The following ALK variants were observed in gnomAD, a reference collection of about 807,000 sequenced individuals.
The protein encoded by ALK is ALK receptor tyrosine kinase, also known as ALK tyrosine kinase receptor.
Under a neutral mutation model 163.1 loss-of-function variants are expected in ALK, and 74 were observed. The ratio of observed to expected loss-of-function variants is 0.45; its 90% CI spans 0.38 to 0.55. ALK has a LOEUF of 0.55. Ranked by LOEUF, ALK falls within the 20% of genes least tolerant of loss-of-function variation. The pLI is 0.00. For missense variants in ALK, 2,063 were observed against 2,105.3 expected (o/e 0.98, Z 0.39); for synonymous variants, 960 against 843.2 (o/e 1.14, Z -2.40).
At chr2:29,477,840 A>G (rs995484016) in intron 4 of ALK, among the ~76,000 whole-genome samples, 1 of 152,226 alleles carries the variant, frequency 6.6e-6, no homozygotes, top group Non-Finnish European at 1.5e-5. Flanking sequence ...CAATCAGGAA[A>G]TCAGAGCTGA....
At chr2:29,393,236 C>A (rs1414809450) in intron 4 of ALK, among the ~76,000 whole-genome samples, 4 of 152,174 alleles carry the variant, frequency 2.6e-5, no homozygotes, top group African/African-American at 4.8e-5. Flanking sequence ...ATTGAAGGAC[C>A]TTGGAAGGGC....
intron 1 of ALK, among the ~76,000 whole-genome samples, chr2:29,842,219 A>T (rs1430180841): frequency 2.0e-5 from 3 of 152,152 alleles, no homozygotes; most frequent in African/African-American, 7.2e-5. Context: ...AAAAAGAAAA[A>T]ATATATATTA....
chr2:29,885,050 C>T (rs918090878), intron 1 of ALK, among the ~76,000 whole-genome samples: 4 of 152,144 alleles, frequency 2.6e-5, no homozygotes, highest in South Asian at 2.1e-4. Context: ...AAGAGAAAAG[C>T]GACAGGTTTG....
In ALK at chr2:29,920,625, A is replaced by T; in HGVS notation, c.35T>A (p.Leu12Gln). Residue 12 changes from leucine (L) to glutamine (Q), a missense_variant, in exon 1 of 29, where the codon CTG (leucine) becomes CAG (glutamine). By Grantham distance (113) the Leu-to-Gln change is moderately radical. Around this residue, in one of 5 missense-constraint regions of ALK, gnomAD observed 987 missense variants for 939.5 expected, o/e 1.05. Transcript: ENST00000389048. ...GCCCACAGCTGCCGTGGAAAGCAGCAGCGGCAGGAGCCACAGGAGCCCGAT... is the reference window on the plus strand; with the variant it reads ...GCCCACAGCTGCCGTGGAAAGCAGCTGCGGCAGGAGCCACAGGAGCCCGAT... ...GAIGLLWLLP[L>Q]LLSTAAVGSG... 6.5e-7 allele frequency: 1 copy of T among 1,544,504 alleles called. No individual in the cohort carries two copies. The highest frequency in any genetic ancestry group is 8.7e-7 in the Non-Finnish European group (1 of 1,152,440).
intron 3 of ALK, among the ~76,000 whole-genome samples, chr2:29,656,307 C>T (rs888758813): frequency 2.6e-5 from 4 of 152,110 alleles, no homozygotes; most frequent in Non-Finnish European, 5.9e-5. Context: ...TATGTAAGAT[C>T]CGTCCTAACT....
chr2:29,719,536 A>G (rs2148308991), intron 1 of ALK, among the ~76,000 whole-genome samples: 1 of 152,334 alleles, frequency 6.6e-6, no homozygotes, highest in Admixed American at 6.5e-5. Context: ...ATTAGTATGT[A>G]TCGAGCACAT....
At chr2:29,267,116 C>T (rs918799309) in intron 11 of ALK, among the ~76,000 whole-genome samples, 6 of 152,000 alleles carry the variant, frequency 3.9e-5, no homozygotes, top group Non-Finnish European at 7.4e-5. Context: ...CCCACCCCCT[C>T]GTCCCCACAC....
At chr2:29,370,449 A>C (rs540784885) in intron 5 of ALK, among the ~76,000 whole-genome samples, 1 of 152,200 alleles carries the variant, frequency 6.6e-6, no homozygotes, top group East Asian at 1.9e-4. Context: ...CTGACCTTAC[A>C]CTTGGGCTGC....
At chr2:29,234,525 G>A (rs537588687) in intron 13 of ALK, among the ~76,000 whole-genome samples, 6 of 151,832 alleles carry the variant, frequency 4.0e-5, no homozygotes, top group East Asian at 1.9e-4. Context: ...TTTTCCCTCC[G>A]GAATCCCTGG....
chr2:29,549,161 C>T (rs1402137759), intron 3 of ALK, among the ~76,000 whole-genome samples: 3 of 147,956 alleles, frequency 2.0e-5, no homozygotes, highest in South Asian at 2.1e-4. Flanking sequence ...CACACACACA[C>T]GCACACACAC....
intron 1 of ALK, among the ~76,000 whole-genome samples, chr2:29,872,203 C>G (rs1176654002): frequency 6.6e-6 from 1 of 152,160 alleles, no homozygotes; most frequent in Admixed American, 6.5e-5. Context: ...ATTCTTAATT[C>G]AGAAGAATTG....
chr2:29,754,970 A>C (rs962617277), intron 1 of ALK, among the ~76,000 whole-genome samples: 3 of 152,134 alleles, frequency 2.0e-5, no homozygotes, highest in Admixed American at 2.0e-4. Flanking sequence ...GCAGATGGGA[A>C]GCCTCTTCTG....
chr2:29,223,297 C>G (rs760299946), intron 20 of ALK, 45 bp downstream of exon 20: 1 of 1,607,688 alleles, frequency 6.2e-7, no homozygotes, highest in Non-Finnish European at 8.5e-7. Context: ...CATTCAGCCC[C>G]TACACTGCAC....
chr2:29,740,817 C>T (rs1220138816), intron 1 of ALK, among the ~76,000 whole-genome samples: 1 of 152,062 alleles, frequency 6.6e-6, no homozygotes, highest in Non-Finnish European at 1.5e-5. Context: ...GCCTGGCCAA[C>T]ATAGTGAAAC....
chr2:29,491,939 C>A (rs1671913157), intron 4 of ALK, among the ~76,000 whole-genome samples: 1 of 152,166 alleles, frequency 6.6e-6, no homozygotes, highest in Admixed American at 6.5e-5. Context: ...AATTTAATTA[C>A]CTTAAAGTGA....
intron 1 of ALK, among the ~76,000 whole-genome samples, chr2:29,726,460 C>A (rs549069905): frequency 6.6e-6 from 1 of 152,270 alleles, no homozygotes; most frequent in Admixed American, 6.5e-5. Flanking sequence ...CCTGGAAAAC[C>A]AAGTCCATCA....
chr2:29,709,723 G>A (rs1443606315), intron 2 of ALK, among the ~76,000 whole-genome samples: 1 of 152,166 alleles, frequency 6.6e-6, no homozygotes, highest in Non-Finnish European at 1.5e-5. Flanking sequence ...GCGGTCACCA[G>A]CTGCTGGTTG....
intron 3 of ALK, among the ~76,000 whole-genome samples, chr2:29,681,738 C>A (rs1468635917): frequency 6.6e-6 from 1 of 150,490 alleles, no homozygotes; most frequent in Non-Finnish European, 1.5e-5. Flanking sequence ...TCACCTACAA[C>A]CCCCCTGGGC....
intron 1 of ALK, among the ~76,000 whole-genome samples, chr2:29,857,940 T>G (rs1425690318): frequency 2.0e-5 from 3 of 152,238 alleles, no homozygotes; most frequent in Non-Finnish European, 2.9e-5. Flanking sequence ...TTTCTGCCAA[T>G]GGTAACATCT....
Sources: allele counts gnomAD v4.1 joint callset (sites outside exome capture counted in the v4.1 genomes callset), GRCh38; gene constraint gnomAD v4.1.1; regional missense constraint gnomAD v4.1.1; transcripts MANE v1.5; gene names NCBI Gene and HGNC (gene_info 2026-07-23, HGNC 2026-07-21).